Variants in YJU2 observed in about 807,000 individuals in gnomAD.
The protein encoded by YJU2 is splicing factor YJU2.
YJU2 carries 28 observed loss-of-function variants against 39.6 expected under a neutral mutation model. The observed-to-expected ratio is 0.71, with a 90% CI of 0.52 to 0.97. YJU2 has a LOEUF of 0.97. YJU2 is among the 50% of genes least tolerant of loss of function. The pLI, the probability that YJU2 is intolerant of heterozygous loss-of-function variation, is 0.00. For synonymous variants in YJU2, 184 were observed against 182.4 expected (o/e 1.01, Z -0.07); for missense variants, 328 against 430.4 (o/e 0.76, Z 2.11).
At chr19:4,264,617 G>C (rs1971101849) in intron 6 of YJU2, among the ~76,000 whole-genome samples, 1 of 151,740 alleles carries the variant, frequency 6.6e-6, no homozygotes, top group South Asian at 2.1e-4. Flanking sequence ...CTCCCAAGTA[G>C]CTGGGATTAC....
At chr19:4,266,902 G>A (rs865958337) in intron 6 of YJU2, among the ~76,000 whole-genome samples, 2 of 152,196 alleles carry the variant, frequency 1.3e-5, no homozygotes, top group Admixed American at 6.6e-5. Flanking sequence ...AGGAGTTCGA[G>A]GCTGCAGTGA....
intron 1 of YJU2, among the ~76,000 whole-genome samples, chr19:4,247,657 GTGTGTGTGTGTGTGT>G (rs1970940775): frequency 2.8e-5 from 2 of 71,306 alleles, no homozygotes; most frequent in Middle Eastern, 8.9e-3. Context: ...GTGTGTGTGT[GTGTGTGTGTGTGTGT>G]GTGTGTGTGT....
At chr19:4,255,726 TCA>T (rs1971014206) in intron 4 of YJU2, among the ~76,000 whole-genome samples, 1 of 79,308 alleles carries the variant, frequency 1.3e-5, no homozygotes. Flanking sequence ...AGATTCTGTG[TCA>T]AAAAAAAAAA....
At chr19:4,265,429 ATTTTC>A (rs201010637) in intron 6 of YJU2, among the ~76,000 whole-genome samples, 2,690 of 148,242 alleles carry the variant, frequency 0.018, 102 homozygotes, top group African/African-American at 0.063. Context: ...CTAATTTTTA[ATTTTC>A]TTTTCTTTTT....
chr19:4,261,533 C>T (rs1171886652), intron 5 of YJU2, among the ~76,000 whole-genome samples: 1 of 151,490 alleles, frequency 6.6e-6, no homozygotes, highest in East Asian at 1.9e-4. Flanking sequence ...TGGTGGCAGG[C>T]ACCTGTAATC....
Position 4,267,760 on chromosome 19 carries a change from C to CG in YJU2, c.847dup (p.Ala283GlyfsTer35). ...GACTGCAGCAACGGGCAGCCTCAGGCGGCCCCCACCCCAGGTAAGGTCACA... is the reference window on the plus strand; with the variant it reads ...GACTGCAGCAACGGGCAGCCTCAGGCGGGCCCCCACCCCAGGTAAGGTCACA... On this transcript the variant is annotated frameshift_variant, in exon 7 of 8. Coordinates refer to ENST00000262962, the MANE Select transcript of YJU2 (RefSeq NM_018074.6). LOFTEE classifies it low-confidence loss of function (END_TRUNC). 1 of 1,612,036 alleles carries CG rather than the reference C, an allele frequency of 6.2e-7. No homozygotes were observed. The highest frequency in any genetic ancestry group is 8.5e-7 in the Non-Finnish European group (1 of 1,179,428).
At chr19:4,256,526 G>A (rs573678311) in intron 4 of YJU2, among the ~76,000 whole-genome samples, 23 of 152,270 alleles carry the variant, frequency 1.5e-4, no homozygotes, top group African/African-American at 5.5e-4. Flanking sequence ...CTCTTACCCT[G>A]GTGTTAGTCA....
In YJU2 at chr19:4,258,248, G is replaced by A; in HGVS notation, c.412G>A (p.Glu138Lys). The A allele has an allele frequency of 6.4e-7, 1 of 1,552,492 alleles. No individual in the cohort carries two copies. The highest frequency in any genetic ancestry group is 8.7e-7 in the Non-Finnish European group (1 of 1,147,502). Residue 138 changes from glutamate to lysine, a missense_variant, in exon 5 of 8, where the codon GAG becomes AAG. Coordinates refer to ENST00000262962, the MANE Select transcript of YJU2 (RefSeq NM_018074.6). The part of the protein sequence containing the change: ...EELNNPMKVL[E>K]NRTKDSKLEM... ...GCCGCCCCGCGCCCGCCAGGTGCTG[G>A]AGAACCGGACCAAGGACTCCAAGCT...
chr19:4,252,946 T>C (rs1491003449), intron 3 of YJU2, among the ~76,000 whole-genome samples: 1 of 151,876 alleles, frequency 6.6e-6, no homozygotes, highest in Admixed American at 6.6e-5. Flanking sequence ...AACAAAAACT[T>C]TTTTTGAAAT....
intron 6 of YJU2, among the ~76,000 whole-genome samples, chr19:4,266,905 T>C (rs1051299529): frequency 6.6e-6 from 1 of 152,170 alleles, no homozygotes; most frequent in Non-Finnish European, 1.5e-5. Context: ...AGTTCGAGGC[T>C]GCAGTGAGCT....
intron 3 of YJU2, among the ~76,000 whole-genome samples, chr19:4,253,322 A>G (rs1970993033): frequency 6.6e-6 from 1 of 152,102 alleles, no homozygotes; most frequent in Admixed American, 6.6e-5. Context: ...TCATGCCTGT[A>G]ATCCCGGCAC....
intron 6 of YJU2, among the ~76,000 whole-genome samples, chr19:4,263,233 A>T (rs1971087107): frequency 6.6e-6 from 1 of 152,176 alleles, no homozygotes. Flanking sequence ...ACAGTCTAGG[A>T]CTTCGGGCAG....
At chr19:4,261,897 T>A (rs1450078761) in intron 5 of YJU2, 97 bp from the exon 6 acceptor site, 5 of 1,305,718 alleles carry the variant, frequency 3.8e-6, no homozygotes, top group Non-Finnish European at 5.3e-6. Context: ...CAGGAAGAGG[T>A]CTCCAGGCAC....
intron 6 of YJU2, among the ~76,000 whole-genome samples, chr19:4,266,819 A>G (rs1971119195): frequency 6.6e-6 from 1 of 152,116 alleles, no homozygotes; most frequent in Non-Finnish European, 1.5e-5. Flanking sequence ...CGTCTCTACA[A>G]AAATTAAAAA....
intron 3 of YJU2, among the ~76,000 whole-genome samples, chr19:4,253,702 T>G (rs1244723909): frequency 6.6e-6 from 1 of 152,230 alleles, no homozygotes; most frequent in Non-Finnish European, 1.5e-5. Context: ...GTATTTAGCC[T>G]CTCTATTCAA....
At chr19:4,258,015 G>A (rs1234009593) in intron 4 of YJU2, among the ~76,000 whole-genome samples, 1 of 152,172 alleles carries the variant, frequency 6.6e-6, no homozygotes, top group Admixed American at 6.5e-5. Flanking sequence ...TCAGATCCCG[G>A]CTCCACCACT....
At chr19:4,258,996 G>A (rs1225593564) in intron 5 of YJU2, among the ~76,000 whole-genome samples, 1 of 151,694 alleles carries the variant, frequency 6.6e-6, no homozygotes, top group African/African-American at 2.4e-5. Flanking sequence ...ACAGGCTCCC[G>A]GACACCCACC....
In YJU2 at chr19:4,247,099, C is replaced by G. The variant is rs574985629; in HGVS notation, c.-48C>G. 6.9e-6 allele frequency: 11 copies of G among 1,590,256 alleles called. No homozygotes were observed. In the East Asian group the frequency reaches 1.6e-4, roughly 23 times the overall value. On this transcript the variant is annotated 5_prime_UTR_variant, in exon 1 of 8. Coordinates refer to ENST00000262962, the MANE Select transcript of YJU2 (RefSeq NM_018074.6). ...TCCGTCGGAAAAGCTCGATAATTAC[C>G]CAGCCTAACCATTTCTCAGGTGCTT...
At position 4,258,547 on chromosome 19, in the gene YJU2, G is replaced by T. The variant is rs568184504; in HGVS notation, c.587+124G>T. 12 of 1,385,900 alleles carry T rather than the reference G, an allele frequency of 8.7e-6. No individual in the cohort carries two copies. In the Admixed American group the frequency reaches 2.1e-4, roughly 24 times the overall value. 85.9% of individuals were successfully genotyped at this position (1,385,900 alleles called of 1,614,324 possible). On this transcript the variant is annotated intron_variant, in intron 5 of 7. Transcript: ENST00000262962. ...CCTTTGCAAGGACCCCTTTCCCACC[G>T]CCCATCTCACTTTCTCCCTTGTGGC... is the stretch of plus-strand genomic sequence containing the variant.
Sources: gnomAD v4.1 joint callset for allele counts (sites outside exome capture counted in the v4.1 genomes callset) on GRCh38, gnomAD v4.1.1 for gene constraint, MANE v1.5 for transcripts, NCBI Gene and HGNC (gene_info 2026-07-23, HGNC 2026-07-21) for gene names.